The following ZNF385B variants were observed in gnomAD, a reference collection of about 807,000 sequenced individuals.
The protein encoded by ZNF385B is zinc finger protein 533.
In ZNF385B, 23 loss-of-function variants were observed where a neutral mutation model predicts 39.2. The ratio of observed to expected loss-of-function variants is 0.59; its 90% CI spans 0.42 to 0.83. The LOEUF (loss-of-function observed/expected upper bound fraction) is 0.83. Among genes scored for constraint, ZNF385B ranks in the 40% least tolerant of loss-of-function variants. The pLI is 0.00. For missense variants in ZNF385B, 552 were observed against 598.9 expected, an observed-to-expected ratio of 0.92 and a Z score of 0.82; for synonymous variants, 205 against 222.6, an observed-to-expected ratio of 0.92 and a Z score of 0.70.
chr2:179,669,040 A>G (rs891868555), intron 3 of ZNF385B, among the ~76,000 whole-genome samples: 3 of 152,270 alleles, frequency 2.0e-5, no homozygotes, highest in African/African-American at 7.2e-5. Flanking sequence ...GAGACAACAC[A>G]GAACTATGAA....
At chr2:179,509,411 T>G (rs1233978541) in intron 5 of ZNF385B, among the ~76,000 whole-genome samples, 1 of 152,188 alleles carries the variant, frequency 6.6e-6, no homozygotes, top group African/African-American at 2.4e-5. Flanking sequence ...AACTTTGTTA[T>G]GAGCTTGTTA....
At chr2:179,514,371 C>G in intron 5 of ZNF385B, 1 of 152,224 alleles carries the variant, frequency 6.6e-6, no homozygotes, top group East Asian at 1.9e-4. Flanking sequence ...TGATCCAGGA[C>G]AATCCTTTTA....
intron 3 of ZNF385B, among the ~76,000 whole-genome samples, chr2:179,767,532 G>T (rs1703774748): frequency 6.6e-6 from 1 of 152,190 alleles, no homozygotes; most frequent in African/African-American, 2.4e-5. Context: ...ACAAAAGTGA[G>T]AAGTTATGAG....
chr2:179,476,379 A>C (rs1281008850), intron 6 of ZNF385B, among the ~76,000 whole-genome samples: 2 of 152,220 alleles, frequency 1.3e-5, no homozygotes, highest in African/African-American at 2.4e-5. Flanking sequence ...GAGGGTGAAA[A>C]AAGTTTTTAA....
At chr2:179,644,549 G>C (rs1397917071) in intron 3 of ZNF385B, among the ~76,000 whole-genome samples, 2 of 152,160 alleles carry the variant, frequency 1.3e-5, no homozygotes, top group Non-Finnish European at 2.9e-5. Flanking sequence ...CTCAATTTAA[G>C]AGAGATATGT....
intron 3 of ZNF385B, among the ~76,000 whole-genome samples, chr2:179,582,215 G>A (rs897955313): frequency 3.9e-5 from 6 of 152,184 alleles, no homozygotes; most frequent in Non-Finnish European, 8.8e-5. Flanking sequence ...AATTAGAACT[G>A]TGCAGTTTTC....
At chr2:179,679,598 ATTATTG>A (rs1037138729) in intron 3 of ZNF385B, among the ~76,000 whole-genome samples, 8 of 106,846 alleles carry the variant, frequency 7.5e-5, no homozygotes, top group African/African-American at 1.8e-4. Flanking sequence ...ATTAACAGCT[ATTATTG>A]TTGTTGTTGT....
chr2:179,800,195 A>G, intron 1 of ZNF385B, among the ~76,000 whole-genome samples: 1 of 152,230 alleles, frequency 6.6e-6, no homozygotes, highest in South Asian at 2.1e-4. Context: ...TATATTTTAT[A>G]TTAAGGGAAA....
intron 1 of ZNF385B, among the ~76,000 whole-genome samples, chr2:179,799,743 C>T (rs1705909515): frequency 6.6e-6 from 1 of 151,940 alleles, no homozygotes; most frequent in Non-Finnish European, 1.5e-5. Context: ...ATATATAGAC[C>T]CCAAAGCATT....
At chr2:179,545,791 A>G (rs1450110971) in intron 3 of ZNF385B, among the ~76,000 whole-genome samples, 3 of 152,168 alleles carry the variant, frequency 2.0e-5, no homozygotes, top group African/African-American at 7.2e-5. Context: ...ACCTACATTT[A>G]TGAGGCACAC....
chr2:179,700,680 A>G (rs569479264), intron 3 of ZNF385B, among the ~76,000 whole-genome samples: 2 of 152,278 alleles, frequency 1.3e-5, no homozygotes, highest in African/African-American at 4.8e-5. Context: ...ATGTGTCCCA[A>G]TTTTCAGAGT....
chr2:179,843,762 T>G (rs1300174225), intron 1 of ZNF385B, among the ~76,000 whole-genome samples: 1 of 152,242 alleles, frequency 6.6e-6, no homozygotes, highest in Non-Finnish European at 1.5e-5. Context: ...TGTTTTTCCA[T>G]CTGTCAAACT....
intron 3 of ZNF385B, among the ~76,000 whole-genome samples, chr2:179,634,296 T>A (rs1216894903): frequency 6.6e-6 from 1 of 151,998 alleles, no homozygotes; most frequent in African/African-American, 2.4e-5. Flanking sequence ...ATTTTTACCA[T>A]CTACTCATCT....
At chr2:179,598,142 TA>T (rs1353388613) in intron 3 of ZNF385B, among the ~76,000 whole-genome samples, 1 of 152,122 alleles carries the variant, frequency 6.6e-6, no homozygotes, top group Non-Finnish European at 1.5e-5. Flanking sequence ...TTTTGAAAAC[TA>T]AAAAATAATA....
intron 3 of ZNF385B, among the ~76,000 whole-genome samples, chr2:179,721,675 AT>A (rs955023816): frequency 6.3e-4 from 95 of 151,082 alleles, no homozygotes; most frequent in Admixed American, 1.5e-3. Flanking sequence ...AAAATGCAAT[AT>A]TTTTTATAAC....
chr2:179,722,643 C>T (rs1234293596), intron 3 of ZNF385B, among the ~76,000 whole-genome samples: 3 of 151,854 alleles, frequency 2.0e-5, no homozygotes, highest in Admixed American at 6.6e-5. Context: ...TATTTGGGAT[C>T]CATATAATCT....
intron 3 of ZNF385B, among the ~76,000 whole-genome samples, chr2:179,731,706 G>C (rs1422605918): frequency 6.6e-6 from 1 of 152,166 alleles, no homozygotes; most frequent in Non-Finnish European, 1.5e-5. Context: ...AGGATCATTT[G>C]AGCCCAGGAG....
At chr2:179,445,830 A>G in intron 7 of ZNF385B, 102 bp from the exon 8 acceptor site, 2 of 1,156,794 alleles carry the variant, frequency 1.7e-6, no homozygotes, top group South Asian at 4.0e-5. Context: ...AAAATTCCCA[A>G]TGCTTTTTTA....
chr2:179,664,394 G>A (rs1346229861), intron 3 of ZNF385B, among the ~76,000 whole-genome samples: 1 of 152,102 alleles, frequency 6.6e-6, no homozygotes, highest in Non-Finnish European at 1.5e-5. Context: ...AGGAAAAATT[G>A]TAGCCGAATA....
Sources: allele counts gnomAD v4.1 joint callset (sites outside exome capture counted in the v4.1 genomes callset), GRCh38; gene constraint gnomAD v4.1.1; transcripts MANE v1.5; gene names NCBI Gene and HGNC (gene_info 2026-07-23, HGNC 2026-07-21).